OPHN1: variants seen among roughly 807,000 people sequenced by gnomAD.
OPHN1 encodes oligophrenin 1.
Under a neutral mutation model 60.7 loss-of-function variants are expected in OPHN1, and 11 were observed. The ratio of observed to expected loss-of-function variants is 0.18; its 90% CI spans 0.11 to 0.30. The LOEUF (loss-of-function observed/expected upper bound fraction) is 0.30, where lower values mean the gene tolerates loss of function less well. Among genes scored for constraint, OPHN1 ranks in the 10% least tolerant of loss-of-function variants. The probability of loss-of-function intolerance (pLI) is 1.00; values close to 1 mark genes in which losing one functional copy is unlikely to be tolerated. For synonymous variants in OPHN1, 226 were observed against 222.6 expected, an observed-to-expected ratio of 1.02 and a Z score of -0.14; for missense variants, 449 against 611.0, an observed-to-expected ratio of 0.73 and a Z score of 2.80.
intron 15 of OPHN1, among the ~76,000 whole-genome samples, chrX:68,169,992 G>T (rs2077381685): frequency 9.2e-6 from 1 of 108,523 alleles, no homozygotes; most frequent in Non-Finnish European, 1.9e-5. Flanking sequence ...GAGCGAACAG[G>T]CAACCTACAA....
At chrX:68,049,192 T>C (rs938124510) in intron 23 of OPHN1, among the ~76,000 whole-genome samples, 1 of 111,794 alleles carries the variant, frequency 8.9e-6, no homozygotes, top group East Asian at 2.8e-4. Context: ...CCCAAATCTA[T>C]GTATACATAC....
intron 5 of OPHN1, among the ~76,000 whole-genome samples, chrX:68,246,472 G>A (rs1437464410): frequency 3.6e-5 from 4 of 111,819 alleles, no homozygotes; most frequent in South Asian, 3.7e-4. Flanking sequence ...GAGATAAAAA[G>A]GCAAAGATAG....
chrX:68,069,860 C>G (rs748197696), intron 20 of OPHN1, among the ~76,000 whole-genome samples: 2 of 111,108 alleles, frequency 1.8e-5, no homozygotes, highest in South Asian at 7.7e-4. Context: ...TGCAAAGGCC[C>G]TTAGGTAAGT....
chrX:68,320,733 G>T (rs1660024243), intron 2 of OPHN1, among the ~76,000 whole-genome samples: 1 of 110,686 alleles, frequency 9.0e-6, no homozygotes, highest in Admixed American at 9.6e-5. Context: ...CAGGCTGGGG[G>T]CTCGGTACCA....
rs749017480 is a variant in OPHN1 at position 68,374,347 on chromosome X, T to C, written c.154+58520A>G. Among the ~76,000 whole-genome samples the C allele has an allele frequency of 1.5e-3, 139 of 92,388 alleles. 1 individual carries two copies. The East Asian group carries it at 0.043, about 29-fold the overall frequency. 80.2% of individuals were successfully genotyped at this position (92,388 alleles called of 115,157 possible). A position where few individuals can be genotyped will look rare whatever the true frequency, so the allele number is the denominator to read the frequency against. ...CTCCAGGCTGGCAACAGAGTGAGAC[T>C]CCATCTCAAAAAAAAAAAAAAAATC... On this transcript the variant is annotated intron_variant, in intron 2 of 24. Coordinates refer to ENST00000355520, the MANE Select transcript of OPHN1 (RefSeq NM_002547.3).
chrX:68,247,115 C>A (rs764467212), intron 5 of OPHN1, among the ~76,000 whole-genome samples: 56 of 111,267 alleles, frequency 5.0e-4, no homozygotes, highest in Non-Finnish European at 1.0e-3. Flanking sequence ...CTCCACTTCA[C>A]TGGCTAATTT....
At chrX:68,351,765 C>T (rs367692009) in intron 2 of OPHN1, among the ~76,000 whole-genome samples, 13 of 111,135 alleles carry the variant, frequency 1.2e-4, no homozygotes, top group African/African-American at 4.3e-4. Flanking sequence ...GCCGCGATCT[C>T]GGCTCACTGC....
intron 20 of OPHN1, among the ~76,000 whole-genome samples, chrX:68,067,876 A>G (rs1290229876): frequency 4.5e-5 from 5 of 111,845 alleles, no homozygotes; most frequent in Non-Finnish European, 1.9e-5. Context: ...CAGACAGGTT[A>G]TAGGAAGTGT....
At chrX:68,385,076 T>A (rs192651133) in intron 2 of OPHN1, among the ~76,000 whole-genome samples, 430 of 111,189 alleles carry the variant, frequency 3.9e-3, no homozygotes, top group African/African-American at 0.014. Context: ...TTAAAAAAAA[T>A]CAGTATAAAT....
intron 2 of OPHN1, among the ~76,000 whole-genome samples, chrX:68,299,893 G>A (rs2078112098): frequency 9.1e-6 from 1 of 109,571 alleles, no homozygotes; most frequent in African/African-American, 3.3e-5. Context: ...CCCAACTTTT[G>A]ACCCTTGTTG....
chrX:68,061,593 A>C (rs2076893128), intron 21 of OPHN1, among the ~76,000 whole-genome samples: 1 of 111,896 alleles, frequency 8.9e-6, no homozygotes, highest in Admixed American at 9.5e-5. Context: ...GAAGAGGGAC[A>C]GGGGAGGGAA....
At chrX:68,108,926 CT>C (rs1406999198) in intron 18 of OPHN1, among the ~76,000 whole-genome samples, 2 of 111,599 alleles carry the variant, frequency 1.8e-5, no homozygotes, top group Non-Finnish European at 1.9e-5. Flanking sequence ...GCTCTTACCC[CT>C]ATCACCTCCA....
chrX:68,148,360 T>C (rs764783063), intron 15 of OPHN1, among the ~76,000 whole-genome samples: 7 of 110,941 alleles, frequency 6.3e-5, no homozygotes, highest in Non-Finnish European at 9.4e-5. Context: ...CTTTATGAAA[T>C]TGGAATTTTT....
intron 2 of OPHN1, among the ~76,000 whole-genome samples, chrX:68,373,533 A>C (rs1462703938): frequency 1.8e-5 from 2 of 111,248 alleles, no homozygotes; most frequent in Non-Finnish European, 3.8e-5. Flanking sequence ...TCTTGACTAC[A>C]AGTGGTTTCA....
chrX:68,305,725 T>C (rs1433369134), intron 2 of OPHN1, among the ~76,000 whole-genome samples: 1 of 112,690 alleles, frequency 8.9e-6, no homozygotes, highest in African/African-American at 3.2e-5. Flanking sequence ...TAAGCAAACC[T>C]ACCAGAGGCT....
At chrX:68,200,785 C>A (rs959680226) in intron 11 of OPHN1, among the ~76,000 whole-genome samples, 3 of 111,618 alleles carry the variant, frequency 2.7e-5, no homozygotes, top group Non-Finnish European at 5.6e-5. Context: ...TTGTAATTCA[C>A]CCTTCAAGTT....
chrX:68,102,437 C>T lies in OPHN1; in HGVS notation c.1527-5408G>A, dbSNP rs747843067. Among the ~76,000 whole-genome samples, 14 of 111,107 alleles carry T rather than the reference C, an allele frequency of 1.3e-4. No individual in the cohort carries two copies. In the East Asian group the frequency reaches 2.5e-3, roughly 20 times the overall value. ...GGAGAAAGCGGGAAAGATACAAAAT[C>T]GAAACACTAACATCACAATTAAAAG... On this transcript the variant is annotated intron_variant, in intron 18 of 24. Transcript: ENST00000355520.
chrX:68,346,270 C>T (rs1360233767), intron 2 of OPHN1, among the ~76,000 whole-genome samples: 6 of 111,584 alleles, frequency 5.4e-5, no homozygotes, highest in African/African-American at 2.0e-4. Flanking sequence ...AGAGTGGAGT[C>T]CTCTGAGCAC....
intron 2 of OPHN1, among the ~76,000 whole-genome samples, chrX:68,318,860 T>C (rs1283432441): frequency 8.9e-6 from 1 of 111,739 alleles, no homozygotes; most frequent in Admixed American, 9.6e-5. Flanking sequence ...CTCAGGTATT[T>C]TGGAGAATGT....
Sources: allele counts gnomAD v4.1 joint callset (sites outside exome capture counted in the v4.1 genomes callset), GRCh38; gene constraint gnomAD v4.1.1; transcripts MANE v1.5; gene names NCBI Gene and HGNC (gene_info 2026-07-23, HGNC 2026-07-21).